Variants in CCDC85A observed in about 807,000 individuals in gnomAD.
The protein encoded by CCDC85A is coiled-coil domain-containing protein 85A.
CCDC85A carries 38 observed loss-of-function variants against 50.2 expected under a neutral mutation model. The ratio of observed to expected loss-of-function variants is 0.76; its 90% CI spans 0.58 to 0.99. The LOEUF (loss-of-function observed/expected upper bound fraction) is 0.99. Ranked by LOEUF, CCDC85A falls within the 50% of genes least tolerant of loss-of-function variation. The pLI, the probability that CCDC85A is intolerant of heterozygous loss-of-function variation, is 0.00. For synonymous variants in CCDC85A, 366 were observed against 301.4 expected, an observed-to-expected ratio of 1.21 and a Z score of -2.22; for missense variants, 820 against 742.0, an observed-to-expected ratio of 1.11 and a Z score of -1.22.
intron 2 of CCDC85A, among the ~76,000 whole-genome samples, chr2:56,285,439 A>C (rs541800887): frequency 7.0e-6 from 1 of 143,564 alleles, no homozygotes; most frequent in South Asian, 2.2e-4. Flanking sequence ...TCGATTAATT[A>C]TATTAATAAT....
At chr2:56,365,376 A>G (rs1014479879) in intron 3 of CCDC85A, among the ~76,000 whole-genome samples, 24 of 152,282 alleles carry the variant, frequency 1.6e-4, no homozygotes, top group African/African-American at 5.5e-4. Flanking sequence ...GCTGATGTTA[A>G]TCTGGTGTGT....
chr2:56,298,027 A>G (rs1053931992), intron 2 of CCDC85A, among the ~76,000 whole-genome samples: 2 of 152,184 alleles, frequency 1.3e-5, no homozygotes, highest in South Asian at 2.1e-4. Flanking sequence ...CAGACTGCAG[A>G]AGAGATTTAT....
chr2:56,382,044 A>T (rs1299859387), intron 5 of CCDC85A, among the ~76,000 whole-genome samples: 1 of 152,024 alleles, frequency 6.6e-6, no homozygotes, highest in African/African-American at 2.4e-5. Flanking sequence ...GAAAAAATGC[A>T]AACAAACCCA....
chr2:56,188,627 A>T (rs1297485559), intron 1 of CCDC85A, among the ~76,000 whole-genome samples: 1 of 152,208 alleles, frequency 6.6e-6, no homozygotes, highest in Non-Finnish European at 1.5e-5. Flanking sequence ...AGAAAGATTA[A>T]TTTTCTTTGT....
chr2:56,263,964 C>T (rs1341240923), intron 2 of CCDC85A, among the ~76,000 whole-genome samples: 1 of 152,122 alleles, frequency 6.6e-6, no homozygotes, highest in Non-Finnish European at 1.5e-5. Context: ...TTGTCTTGGG[C>T]CACACTTAAA....
chr2:56,378,538 G>C (rs1676443424), intron 5 of CCDC85A, among the ~76,000 whole-genome samples: 1 of 152,168 alleles, frequency 6.6e-6, no homozygotes, highest in Non-Finnish European at 1.5e-5. Context: ...AGCACAGTCA[G>C]TGATTTTCTC....
intron 5 of CCDC85A, among the ~76,000 whole-genome samples, chr2:56,380,366 G>A (rs1676523937): frequency 1.3e-5 from 2 of 151,986 alleles, no homozygotes; most frequent in South Asian, 4.1e-4. Flanking sequence ...CCCAAACTCA[G>A]AATATAGTAA....
chr2:56,231,304 C>A (rs895454992), intron 2 of CCDC85A, among the ~76,000 whole-genome samples: 1 of 152,162 alleles, frequency 6.6e-6, no homozygotes, highest in South Asian at 2.1e-4. Flanking sequence ...TAAGGTGCTG[C>A]GGCCTTTTAT....
chr2:56,232,636 G>A (rs1443467857), intron 2 of CCDC85A, among the ~76,000 whole-genome samples: 1 of 152,076 alleles, frequency 6.6e-6, no homozygotes, highest in Non-Finnish European at 1.5e-5. Context: ...GAGGCCTCTA[G>A]CCACACAGAA....
intron 3 of CCDC85A, among the ~76,000 whole-genome samples, chr2:56,367,437 T>G (rs1675852247): frequency 6.6e-6 from 1 of 152,192 alleles, no homozygotes; most frequent in Admixed American, 6.5e-5. Context: ...ATGCAAAATC[T>G]GCTATAGAGC....
chr2:56,212,309 C>A (rs528725250), intron 2 of CCDC85A, among the ~76,000 whole-genome samples: 1 of 152,132 alleles, frequency 6.6e-6, no homozygotes, highest in Non-Finnish European at 1.5e-5. Flanking sequence ...AGAGTAGAAG[C>A]CATCTTTTGT....
chr2:56,204,719 A>G (rs984827479), intron 2 of CCDC85A, among the ~76,000 whole-genome samples: 3 of 152,168 alleles, frequency 2.0e-5, no homozygotes, highest in East Asian at 3.9e-4. Context: ...TCGGACAGGA[A>G]TTCTGTGTGT....
At chr2:56,252,695 C>T (rs996136061) in intron 2 of CCDC85A, among the ~76,000 whole-genome samples, 9 of 152,108 alleles carry the variant, frequency 5.9e-5, no homozygotes, top group African/African-American at 9.7e-5. Flanking sequence ...CTCCTCGGGC[C>T]CCCCCGCCCA....
Position 56,193,323 on chromosome 2 carries a change from G to A in CCDC85A, c.1123G>A (p.Gly375Arg), listed in dbSNP as rs372992628. 52 of 1,613,116 alleles carry A rather than the reference G, an allele frequency of 3.2e-5. No homozygotes were observed. Among genetic ancestry groups the A allele is most frequent in the South Asian group, 3.2e-4 (29 of 90,956 alleles). Residue 375 changes from glycine (G) to arginine (R), a missense_variant, in exon 2 of 6, where the codon GGA (glycine) becomes AGA (arginine). Gly to Arg is a moderately radical substitution (Grantham distance 125, BLOSUM62 -2). Transcript: ENST00000407595. ...HYGGSPDHKH[G>R]GGSGGSGGSG... is the part of the protein sequence containing the mutation. The stretch of plus-strand genomic sequence containing the variant: ...TGGAGGGAGCCCTGATCACAAACAC[G>A]GAGGAGGCAGTGGAGGAAGTGGAGG...
chr2:56,229,509 G>T (rs1320952056), intron 2 of CCDC85A, among the ~76,000 whole-genome samples: 1 of 152,078 alleles, frequency 6.6e-6, no homozygotes, highest in Non-Finnish European at 1.5e-5. Flanking sequence ...TAAGACTTTG[G>T]TACTGGTAGC....
intron 1 of CCDC85A, among the ~76,000 whole-genome samples, chr2:56,188,376 A>C (rs888886948): frequency 6.6e-6 from 1 of 152,144 alleles, no homozygotes; most frequent in African/African-American, 2.4e-5. Context: ...ACTCCTATCT[A>C]CTCCATCTGG....
At chr2:56,252,824 TGA>T (rs1487423983) in intron 2 of CCDC85A, among the ~76,000 whole-genome samples, 3 of 152,100 alleles carry the variant, frequency 2.0e-5, no homozygotes, top group Non-Finnish European at 4.4e-5. Flanking sequence ...GTTAGTTTGC[TGA>T]GAATGATGGT....
chr2:56,235,521 G>A (rs1668969472), intron 2 of CCDC85A, among the ~76,000 whole-genome samples: 1 of 152,106 alleles, frequency 6.6e-6, no homozygotes, highest in Non-Finnish European at 1.5e-5. Context: ...GAAGCAGAAT[G>A]TATAAGACAC....
rs547534389 is a variant in CCDC85A at position 56,359,144 on chromosome 2, A to G, written c.1318-13200A>G. On this transcript the variant is annotated intron_variant, in intron 3 of 5. Coordinates refer to ENST00000407595, the MANE Select transcript of CCDC85A (RefSeq NM_001080433.2). ...ACAAATGCTCTTCCTAATATTTGCT[A>G]CTTATTTTTGCATTAGTTCAAATTC... is the stretch of plus-strand genomic sequence containing the variant. Among the ~76,000 whole-genome samples, 25 of 152,078 alleles carry G rather than the reference A, an allele frequency of 1.6e-4. No individual in the cohort carries two copies. In the South Asian group the frequency reaches 5.2e-3, roughly 32 times the overall value.
Sources: allele counts gnomAD v4.1 joint callset (sites outside exome capture counted in the v4.1 genomes callset), GRCh38; gene constraint gnomAD v4.1.1; transcripts MANE v1.5; gene names NCBI Gene and HGNC (gene_info 2026-07-23, HGNC 2026-07-21).